The following PRIMA1 variants were observed in gnomAD, a reference collection of about 807,000 sequenced individuals.
The protein encoded by PRIMA1 is proline-rich membrane anchor 1.
In PRIMA1, 7 loss-of-function variants were observed where a neutral mutation model predicts 17.5. That is an observed-to-expected ratio of 0.40 (90% CI 0.23 to 0.75). PRIMA1 has a LOEUF of 0.75. Among genes scored for constraint, PRIMA1 ranks in the 30% least tolerant of loss-of-function variants. The pLI, the probability that PRIMA1 is intolerant of heterozygous loss-of-function variation, is 0.37. For synonymous variants in PRIMA1, 97 were observed against 77.9 expected (o/e 1.25, Z -1.29); for missense variants, 200 against 201.8 (o/e 0.99, Z 0.05).
intron 3 of PRIMA1, among the ~76,000 whole-genome samples, chr14:93,744,086 G>C (rs1435327017): frequency 6.6e-6 from 1 of 152,210 alleles, no homozygotes; most frequent in African/African-American, 2.4e-5. Flanking sequence ...GGCAGAAACT[G>C]AGGATCAAAA....
Position 93,760,693 on chromosome 14 carries a change from T to C in PRIMA1, c.229+18483A>G, listed in dbSNP as rs192436541. Among the ~76,000 whole-genome samples the C allele has an allele frequency of 2.8e-4, 43 of 152,292 alleles. No homozygotes were observed. In the East Asian group the frequency reaches 8.1e-3, roughly 29 times the overall value. Reference sequence around the variant, plus strand: ...CTTGGCTGCTCCACCCAGCACCTGGTGCACAGGAGGTGCTCAGTACACACT... The same window carrying C: ...CTTGGCTGCTCCACCCAGCACCTGGCGCACAGGAGGTGCTCAGTACACACT... On this transcript the variant is annotated intron_variant, in intron 3 of 4. Transcript: ENST00000393140.
In PRIMA1 at chr14:93,779,282, G is replaced by A. The variant is rs1438834063; in HGVS notation, c.123C>T (p.Cys41=). 7.1e-6 allele frequency: 11 copies of A among 1,550,616 alleles called. 1 individual carries two copies. The South Asian group carries it at 1.1e-4, about 16-fold the overall frequency. The stretch of plus-strand genomic sequence containing the variant: ...GTCGGCAGCTGTCAGTCACTTTGGA[G>A]CAGGACTTCTGGGGCTCACCATGCG... ...QVTHGEPQKS[C]SKVTDSCRHV... The change falls in exon 3 of 5, where the codon TGC becomes TGT. Residue 41 remains cysteine (C), a synonymous_variant. Transcript: ENST00000393140.
intron 4 of PRIMA1, among the ~76,000 whole-genome samples, chr14:93,734,038 T>C (rs1296562174): frequency 6.6e-6 from 1 of 152,200 alleles, no homozygotes; most frequent in African/African-American, 2.4e-5. Flanking sequence ...TATTTCTGCC[T>C]TCACCCTCAA....
intron 3 of PRIMA1, among the ~76,000 whole-genome samples, chr14:93,762,407 C>T (rs1884760450): frequency 6.6e-6 from 1 of 152,078 alleles, no homozygotes; most frequent in African/African-American, 2.4e-5. Flanking sequence ...CTGGCTCCAG[C>T]ACAGCCCCCC....
At chr14:93,729,775 G>A (rs1251251830) in intron 4 of PRIMA1, among the ~76,000 whole-genome samples, 2 of 152,136 alleles carry the variant, frequency 1.3e-5, no homozygotes, top group Non-Finnish European at 2.9e-5. Flanking sequence ...TCACATCCTG[G>A]GAGTGTGTTA....
At chr14:93,748,015 T>A (rs2076234965) in intron 3 of PRIMA1, among the ~76,000 whole-genome samples, 1 of 147,544 alleles carries the variant, frequency 6.8e-6, no homozygotes, top group South Asian at 2.2e-4. Context: ...TATGAGTGTG[T>A]GAGAGTGGGG....
rs538164014 is a variant in PRIMA1, at chr14:93,776,029, A to G, written c.229+3147T>C. On this transcript the variant is annotated intron_variant, in intron 3 of 4. Transcript: ENST00000393140. The stretch of plus-strand genomic sequence containing the variant: ...GACTTCCCTCGGACTACTGGGAAAC[A>G]GAAGGTCTCTTCCTAGGGATATTAC... 2.6e-5 allele frequency among the ~76,000 whole-genome samples: 4 copies of G among 152,338 alleles called. No individual in the cohort carries two copies. In the East Asian group the frequency reaches 7.7e-4, roughly 29 times the overall value.
At chr14:93,747,863 G>A (rs1356377747) in intron 3 of PRIMA1, among the ~76,000 whole-genome samples, 1 of 149,984 alleles carries the variant, frequency 6.7e-6, no homozygotes, top group Non-Finnish European at 1.5e-5. Flanking sequence ...ATGAGTGTGT[G>A]TGAGTGGGGA....
At chr14:93,771,291 A>G (rs1416510018) in intron 3 of PRIMA1, among the ~76,000 whole-genome samples, 1 of 152,236 alleles carries the variant, frequency 6.6e-6, no homozygotes, top group Admixed American at 6.5e-5. Flanking sequence ...CCTTGATTCT[A>G]AAAAACAGAA....
At chr14:93,787,036 G>A (rs926956190) in intron 2 of PRIMA1, among the ~76,000 whole-genome samples, 6 of 152,070 alleles carry the variant, frequency 3.9e-5, no homozygotes, top group Non-Finnish European at 7.4e-5. Context: ...GGGGACTAGG[G>A]ACCACCCCAT....
At chr14:93,739,126 C>T (rs994314564) in intron 3 of PRIMA1, among the ~76,000 whole-genome samples, 12 of 151,858 alleles carry the variant, frequency 7.9e-5, no homozygotes, top group African/African-American at 2.7e-4. Context: ...GATCTCAGCT[C>T]ACCACAACCT....
chr14:93,772,607 T>C (rs1436839397), intron 3 of PRIMA1, among the ~76,000 whole-genome samples: 1 of 152,274 alleles, frequency 6.6e-6, no homozygotes, highest in Non-Finnish European at 1.5e-5. Flanking sequence ...CAAGCAGGCC[T>C]CTAGCTCTGC....
intron 4 of PRIMA1, among the ~76,000 whole-genome samples, chr14:93,730,346 G>T (rs1026649066): frequency 6.6e-6 from 1 of 152,262 alleles, no homozygotes; most frequent in Admixed American, 6.5e-5. Context: ...GTTGGACAGG[G>T]AAGAGAGAGC....
chr14:93,720,985 G>A lies in PRIMA1; in HGVS notation c.*459C>T, dbSNP rs2076033726. On this transcript the variant is annotated 3_prime_UTR_variant, in exon 5 of 5. Coordinates refer to ENST00000393140, the MANE Select transcript of PRIMA1 (RefSeq NM_178013.4). ...GCTGGCTGTGCCGATGGCTTCTGTT[G>A]AGAATGTGAACAGTGGAGCAGGCAG... 1 of 159,982 alleles carries A rather than the reference G, an allele frequency of 6.3e-6. No individual in the cohort carries two copies. The highest frequency in any genetic ancestry group is 6.2e-5 in the Admixed American group (1 of 16,144). The allele number at this position is 159,982 out of a possible 1,614,324, so 9.9% of individuals were successfully genotyped here. A position where few individuals can be genotyped will look rare whatever the true frequency, so the allele number is the denominator to read the frequency against.
upstream of PRIMA1, among the ~76,000 whole-genome samples, chr14:93,788,884 T>G (rs984556452): frequency 7.3e-5 from 11 of 151,550 alleles, no homozygotes; most frequent in African/African-American, 2.7e-4. Flanking sequence ...CCTTTCCTGG[T>G]GGCGCCGCGC....
At chr14:93,744,675 C>A (rs1464211385) in intron 3 of PRIMA1, among the ~76,000 whole-genome samples, 1 of 152,216 alleles carries the variant, frequency 6.6e-6, no homozygotes, top group African/African-American at 2.4e-5. Context: ...GGCCCCCCCA[C>A]GCCTTCTCTG....
intron 3 of PRIMA1, among the ~76,000 whole-genome samples, chr14:93,755,177 T>C (rs762129082): frequency 9.9e-5 from 15 of 152,102 alleles, no homozygotes; most frequent in Non-Finnish European, 1.9e-4. Flanking sequence ...GAGGCAACCA[T>C]TGGAGGAGGT....
intron 1 of PRIMA1, 22 bp from the exon 2 acceptor site, chr14:93,787,771 G>C: frequency 6.5e-7 from 1 of 1,528,646 alleles, no homozygotes; most frequent in Admixed American, 2.0e-5. Flanking sequence ...GCAAGGCTAG[G>C]GTCAGGCGGA....
At position 93,721,516 on chromosome 14, in the gene PRIMA1, G is replaced by A. The variant is rs1345542212; in HGVS notation, c.390C>T (p.Thr130=). ...CACTCATGGGATACTCAGCAACGCT[G>A]GTGCCATTTTCGTCTTTTCTCAGTG... ...RKPLRKDENG[T]SVAEYPMSAS... The change falls in exon 5 of 5, where the codon ACC becomes ACT. Residue 130 remains threonine (T), a synonymous_variant. Coordinates refer to ENST00000393140, the MANE Select transcript of PRIMA1 (RefSeq NM_178013.4). 6.2e-7 allele frequency: 1 copy of A among 1,613,742 alleles called. No individual in the cohort carries two copies. The highest frequency in any genetic ancestry group is 8.5e-7 in the Non-Finnish European group (1 of 1,179,890).
Sources: allele counts gnomAD v4.1 joint callset (sites outside exome capture counted in the v4.1 genomes callset), GRCh38; gene constraint gnomAD v4.1.1; transcripts MANE v1.5; gene names NCBI Gene and HGNC (gene_info 2026-07-23, HGNC 2026-07-21).